LYSMD4: variants seen among roughly 807,000 people sequenced by gnomAD.
The protein encoded by LYSMD4 is lysM and putative peptidoglycan-binding domain-containing protein 4.
A neutral mutation model predicts 6.1 loss-of-function variants in LYSMD4; 9 were observed. That is an observed-to-expected ratio of 1.47 (90% CI 0.88 to 2.56). The LOEUF (loss-of-function observed/expected upper bound fraction) is 2.56, where lower values mean the gene tolerates loss of function less well. Ranked by LOEUF, LYSMD4 falls within the 30% of genes most tolerant of loss-of-function variation. LYSMD4 has a pLI of 0.00. For synonymous variants in LYSMD4, 143 were observed against 148.5 expected, an observed-to-expected ratio of 0.96 and a Z score of 0.27; for missense variants, 384 against 373.5, an observed-to-expected ratio of 1.03 and a Z score of -0.23.
chr15:99,724,028 C>G (rs770648605), downstream of LYSMD4, among the ~76,000 whole-genome samples: 1 of 150,956 alleles, frequency 6.6e-6, no homozygotes, highest in Non-Finnish European at 1.5e-5. Flanking sequence ...ATTCATAGTT[C>G]CCTGTCTACA....
chr15:99,723,635 C>T (rs886638335), downstream of LYSMD4, among the ~76,000 whole-genome samples: 9 of 152,220 alleles, frequency 5.9e-5, no homozygotes, highest in African/African-American at 2.2e-4. Flanking sequence ...ATCCCTATGG[C>T]CCTGTGGGGC....
intron 2 of LYSMD4, 132 bp downstream of exon 2, chr15:99,731,586 C>G: frequency 6.6e-7 from 1 of 1,525,344 alleles, no homozygotes; most frequent in South Asian, 1.3e-5. Flanking sequence ...ATAGGGGAGT[C>G]CTTGGCTGCT....
At position 99,733,379 on chromosome 15, in the gene LYSMD4, G is replaced by A; in HGVS notation, c.-43C>T. On this transcript the variant is annotated 5_prime_UTR_variant, in exon 1 of 3. Transcript: ENST00000684762. ...CAGGCTCCGCCGCGACCGGCGACCG[G>A]CGACTCGCGACCCGCGACCCGCGAC... The A allele has an allele frequency of 2.5e-6, 1 of 395,408 alleles. No homozygotes were observed. Among genetic ancestry groups the A allele is most frequent in the Non-Finnish European group, 4.5e-6 (1 of 224,056 alleles). The allele number at this position is 395,408 out of a possible 1,614,324, so 24.5% of individuals were successfully genotyped here.
At chr15:99,716,413 A>T (rs325380) in exon 1 of LYSMD4, 8 of 426,690 alleles carry the variant, frequency 1.9e-5, no homozygotes, top group Middle Eastern at 3.4e-4. Flanking sequence ...CAAATGGTGA[A>T]GACAATGCTA....
downstream of LYSMD4, among the ~76,000 whole-genome samples, chr15:99,726,816 G>A (rs1162983369): frequency 1.3e-5 from 2 of 152,118 alleles, no homozygotes; most frequent in African/African-American, 2.4e-5. Context: ...AGCAAAATGT[G>A]GAATAGGAAG....
chr15:99,725,589 C>T (rs184671513), downstream of LYSMD4, among the ~76,000 whole-genome samples: 1 of 152,296 alleles, frequency 6.6e-6, no homozygotes, highest in East Asian at 1.9e-4. Flanking sequence ...GGCTCAGAGG[C>T]TAAATCCAGT....
At chr15:99,721,194 A>C (rs1022483404), upstream of LYSMD4, among the ~76,000 whole-genome samples, 32 of 152,314 alleles carry the variant, frequency 2.1e-4, no homozygotes, top group Non-Finnish European at 3.4e-4. Flanking sequence ...GGATGAAGAC[A>C]GGTGCTAAAG....
downstream of LYSMD4, among the ~76,000 whole-genome samples, chr15:99,725,727 G>A (rs954413153): frequency 5.9e-5 from 9 of 152,164 alleles, no homozygotes; most frequent in Non-Finnish European, 1.3e-4. Flanking sequence ...TTTCTCTGCT[G>A]TCCCCTCCTG....
upstream of LYSMD4, among the ~76,000 whole-genome samples, chr15:99,721,269 G>A (rs139486801): frequency 2.6e-3 from 395 of 152,276 alleles, 3 homozygotes; most frequent in African/African-American, 8.9e-3. Flanking sequence ...AATGGGGCAG[G>A]AACTGTGTTC....
chr15:99,730,674 C>G (rs758354831), intron 2 of LYSMD4, among the ~76,000 whole-genome samples: 4 of 152,128 alleles, frequency 2.6e-5, no homozygotes, highest in Non-Finnish European at 5.9e-5. Context: ...GCATGAGACC[C>G]TTGAGATCTT....
chr15:99,716,213 ATGTT>A (rs573951130), exon 1 of LYSMD4: 70 of 204,912 alleles, frequency 3.4e-4, no homozygotes, highest in African/African-American at 1.3e-3. Flanking sequence ...TATTTGGTAA[ATGTT>A]TGTAGTCAAC....
chr15:99,719,759 T>C (rs73482434), upstream of LYSMD4, among the ~76,000 whole-genome samples: 2,525 of 152,320 alleles, frequency 0.017, 69 homozygotes, highest in African/African-American at 0.055. Flanking sequence ...AGTTCACCTG[T>C]AGTTTTGCAA....
chr15:99,733,364 C>CGCGACCG lies in LYSMD4; in HGVS notation c.-35_-29dup, dbSNP rs1012165572. 4.1e-5 allele frequency: 16 copies of CGCGACCG among 394,818 alleles called. No individual in the cohort carries two copies. Among genetic ancestry groups the CGCGACCG allele is most frequent in the South Asian group, 1.3e-4 (1 of 7,844 alleles). 24.5% of individuals were successfully genotyped at this position (394,818 alleles called of 1,614,324 possible). On this transcript the variant is annotated 5_prime_UTR_variant, in exon 1 of 3. Coordinates refer to ENST00000684762, the MANE Select transcript of LYSMD4 (RefSeq NM_001284417.2). ...CGGTACCTCAGCGCCCAGGCTCCGCCGCGACCGGCGACCGGCGACTCGCGA... is the reference window on the plus strand; with the variant it reads ...CGGTACCTCAGCGCCCAGGCTCCGCCGCGACCGGCGACCGGCGACCGGCGACTCGCGA...
At chr15:99,716,725 AGTGGGCCACGCAGTCCC>A (rs2059179438) in exon 2 of LYSMD4, 1 of 456,568 alleles carries the variant, frequency 2.2e-6, no homozygotes, top group East Asian at 6.9e-5. Flanking sequence ...CATAGGAAGC[AGTGGGCCACGCAGTCCC>A]ACCGGGGCCT....
At chr15:99,726,574 G>A (rs8034156), downstream of LYSMD4, among the ~76,000 whole-genome samples, 114,763 of 151,870 alleles carry the variant, frequency 0.76, 45,129 homozygotes, top group Middle Eastern at 0.9. Flanking sequence ...CTCCTAGGCC[G>A]GGCCACACCT....
chr15:99,731,891 C>G lies in LYSMD4; in HGVS notation c.109G>C (p.Asp37His), dbSNP rs755816764. 6.2e-7 allele frequency: 1 copy of G among 1,613,536 alleles called. No individual in the cohort carries two copies. The highest frequency in any genetic ancestry group is 8.5e-7 in the Non-Finnish European group (1 of 1,180,002). The change falls in exon 2 of 3, where the codon GAC (aspartate) becomes CAC (histidine). Residue 37 changes from aspartate to histidine, a missense_variant. Physicochemically the swap from Asp to His is moderately conservative, Grantham distance 81. Coordinates refer to ENST00000684762, the MANE Select transcript of LYSMD4 (RefSeq NM_001284417.2). ...MFKNGSGDSG[D>H]SSEEESHRVV... The stretch of plus-strand genomic sequence containing the variant: ...CGGTGAGACTCTTCTTCAGAAGAGT[C>G]CCCCGAGTCCCCACTGCCATTCTTA...
chr15:99,722,686 G>C, downstream of LYSMD4, among the ~76,000 whole-genome samples: 1 of 152,266 alleles, frequency 6.6e-6, no homozygotes, highest in South Asian at 2.1e-4. Flanking sequence ...TGATGAAATA[G>C]AAGATATTTA....
rs774342154 is a variant in LYSMD4 at position 99,716,931 on chromosome 15, T to C, written c.-134A>G. ...AATGATTAGTTTTGCCCAAAATACA[T>C]ACATGATGCTGAGCTAGATGCAGCA... On this transcript the variant is annotated 5_prime_UTR_variant, in exon 1 of 1. Coordinates refer to the LYSMD4 transcript ENST00000378904. 32 of 333,380 alleles carry C rather than the reference T, an allele frequency of 9.6e-5. 1 individual carries two copies. The highest frequency in any genetic ancestry group is 2.1e-3 in the Middle Eastern group (2 of 946). 20.7% of individuals were successfully genotyped at this position (333,380 alleles called of 1,614,324 possible). A position where few individuals can be genotyped will look rare whatever the true frequency, so the allele number is the denominator to read the frequency against.
chr15:99,718,625 C>T (rs1291211227), upstream of LYSMD4, among the ~76,000 whole-genome samples: 2 of 152,184 alleles, frequency 1.3e-5, no homozygotes, highest in Non-Finnish European at 2.9e-5. Context: ...TTATTTTGCT[C>T]CTCCACTTGT....
Sources: allele counts gnomAD v4.1 joint callset (sites outside exome capture counted in the v4.1 genomes callset), GRCh38; gene constraint gnomAD v4.1.1; transcripts MANE v1.5; gene names NCBI Gene and HGNC (gene_info 2026-07-23, HGNC 2026-07-21).